ERBIN: variants seen among roughly 807,000 people sequenced by gnomAD.
The protein encoded by ERBIN is erbb2 interacting protein, also known as densin-180-like protein.
In ERBIN, 60 loss-of-function variants were observed where a neutral mutation model predicts 158.4. The ratio of observed to expected loss-of-function variants is 0.38; its 90% CI spans 0.31 to 0.47. The LOEUF (loss-of-function observed/expected upper bound fraction) is 0.47. Among genes scored for constraint, ERBIN ranks in the 20% least tolerant of loss-of-function variants. The pLI is 0.99. For synonymous variants in ERBIN, 594 were observed against 557.2 expected (o/e 1.07, Z -0.93); for missense variants, 1,610 against 1,648.0 (o/e 0.98, Z 0.40).
chr5:65,963,386 A>G lies in ERBIN; in HGVS notation c.-57-25249A>G, dbSNP rs539781368. On this transcript the variant is annotated intron_variant, in intron 1 of 25. Coordinates refer to ENST00000284037, the MANE Select transcript of ERBIN (RefSeq NM_001253697.2). ...TCTAGAGTTTACTTTTGATCTTTAA[A>G]AACTTTACATGACAGCCTGGCCAAC... 2.0e-5 allele frequency among the ~76,000 whole-genome samples: 3 copies of G among 152,278 alleles called. No homozygotes were observed. The South Asian group carries it at 6.2e-4, about 32-fold the overall frequency.
At chr5:65,952,173 TCA>T (rs1425199793) in intron 1 of ERBIN, among the ~76,000 whole-genome samples, 1 of 152,164 alleles carries the variant, frequency 6.6e-6, no homozygotes, top group Non-Finnish European at 1.5e-5. Flanking sequence ...TGTTATATTT[TCA>T]CATAAAGAAT....
chr5:66,042,882 A>G (rs1758054210), intron 15 of ERBIN, among the ~76,000 whole-genome samples, 195 bp from the exon 16 acceptor site: 1 of 152,138 alleles, frequency 6.6e-6, no homozygotes, highest in Admixed American at 6.5e-5. Context: ...TGTGATTGAC[A>G]TTGTAAAGAA....
In ERBIN at chr5:66,054,333, T is replaced by G. The variant is rs1561433142; in HGVS notation, c.3015T>G (p.Phe1005Leu). 1.2e-6 allele frequency: 2 copies of G among 1,614,140 alleles called. No individual in the cohort carries two copies. The highest frequency in any genetic ancestry group is 1.6e-4 in the Middle Eastern group (1 of 6,062). Reference protein sequence around the residue: ...KQNPQIDHASFPPQLLPRSES... With the variant: ...KQNPQIDHASLPPQLLPRSES... The stretch of plus-strand genomic sequence containing the variant: ...ATCCCCAAATAGACCATGCCAGTTT[T>G]CCTCCTCAGCTCCTTCCTAGATCAG... Residue 1005 changes from phenylalanine (F) to leucine (L), a missense_variant, in exon 21 of 26, where the codon TTT becomes TTG. Phe to Leu is a conservative substitution (Grantham distance 22, BLOSUM62 0). Transcript: ENST00000284037.
rs757559004 is a variant in ERBIN at position 66,053,416 on chromosome 5, G to A, written c.2098G>A (p.Glu700Lys). The change falls in exon 21 of 26, where the codon GAA becomes AAA. Residue 700 changes from glutamate to lysine, a missense_variant. Coordinates refer to ENST00000284037, the MANE Select transcript of ERBIN (RefSeq NM_001253697.2). The stretch of plus-strand genomic sequence containing the variant: ...TTATCTTTATTTTAGGCAAGAAGAT[G>A]AAAATTTTAACAGCCTTTTACAAAA... ...DINSKIRQED[E>K]NFNSLLQNGD... 1 of 1,456,048 alleles carries A rather than the reference G, an allele frequency of 6.9e-7. No individual in the cohort carries two copies. The highest frequency in any genetic ancestry group is 2.5e-5 in the Admixed American group (1 of 39,834). The allele number at this position is 1,456,048 out of a possible 1,614,324, so 90.2% of individuals were successfully genotyped here.
intron 1 of ERBIN, among the ~76,000 whole-genome samples, chr5:65,956,447 G>C (rs1282685824): frequency 6.8e-6 from 1 of 147,824 alleles, no homozygotes; most frequent in Admixed American, 6.8e-5. Context: ...TGTGATCTCG[G>C]CTCACTGCAA....
intron 1 of ERBIN, among the ~76,000 whole-genome samples, chr5:65,988,434 T>C (rs1250090888): frequency 2.0e-5 from 3 of 152,042 alleles, no homozygotes; most frequent in South Asian, 2.1e-4. Context: ...TGTGTGTGTG[T>C]GCATACACTT....
At chr5:66,042,101 G>A (rs1757969291) in intron 15 of ERBIN, among the ~76,000 whole-genome samples, 2 of 151,954 alleles carry the variant, frequency 1.3e-5, no homozygotes, top group East Asian at 3.8e-4. Context: ...AGAAGTTTTT[G>A]TATTATGTTA....
chr5:65,963,836 C>G (rs1394083527), intron 1 of ERBIN, among the ~76,000 whole-genome samples: 1 of 141,066 alleles, frequency 7.1e-6, no homozygotes, highest in African/African-American at 2.8e-5. Context: ...GTCGCCCAGG[C>G]TGGAGTGCAG....
chr5:65,969,028 G>A (rs760460599), intron 1 of ERBIN, among the ~76,000 whole-genome samples: 5 of 152,102 alleles, frequency 3.3e-5, no homozygotes, highest in Non-Finnish European at 7.4e-5. Context: ...GCAATACCGC[G>A]TTTAAGGGCA....
At chr5:66,016,983 T>C (rs1414878396) in intron 7 of ERBIN, among the ~76,000 whole-genome samples, 1 of 152,074 alleles carries the variant, frequency 6.6e-6, no homozygotes, top group East Asian at 1.9e-4. Context: ...GCTTGGCTTA[T>C]TTCACTTAAT....
chr5:66,039,913 C>T (rs1757767360), intron 15 of ERBIN, among the ~76,000 whole-genome samples: 2 of 151,822 alleles, frequency 1.3e-5, no homozygotes, highest in South Asian at 4.1e-4. Context: ...AAATACAAGT[C>T]ATCAGATTTA....
At chr5:65,941,839 C>G (rs1745089049) in intron 1 of ERBIN, among the ~76,000 whole-genome samples, 4 of 152,150 alleles carry the variant, frequency 2.6e-5, no homozygotes, top group Admixed American at 2.0e-4. Context: ...CTCCCAGATT[C>G]ACTCCATTCT....
At chr5:65,970,739 C>T (rs1224373399) in intron 1 of ERBIN, among the ~76,000 whole-genome samples, 2 of 152,128 alleles carry the variant, frequency 1.3e-5, no homozygotes, top group African/African-American at 4.8e-5. Flanking sequence ...CAGACGTACA[C>T]CAGCATGCCT....
intron 1 of ERBIN, 112 bp downstream of exon 1, chr5:65,926,918 C>T (rs1742718920): frequency 6.6e-6 from 1 of 152,238 alleles, no homozygotes; most frequent in African/African-American, 2.4e-5. Context: ...CCTAAACCCT[C>T]CTTTTCTCAT....
chr5:65,952,720 A>G (rs1355431819), intron 1 of ERBIN, among the ~76,000 whole-genome samples: 2 of 152,182 alleles, frequency 1.3e-5, no homozygotes, highest in Non-Finnish European at 2.9e-5. Context: ...TACCTTGTAT[A>G]TTAATTTGTC....
intron 14 of ERBIN, 128 bp from the exon 15 acceptor site, chr5:66,038,251 ATAGT>A (rs1211065361): frequency 1.8e-5 from 9 of 495,432 alleles, no homozygotes; most frequent in Non-Finnish European, 2.9e-5. Context: ...GTTATTGTGT[ATAGT>A]TAGATTTGTT....
chr5:65,948,341 ATTT>A (rs77691090), intron 1 of ERBIN, among the ~76,000 whole-genome samples: 23 of 144,284 alleles, frequency 1.6e-4, no homozygotes, highest in African/African-American at 5.8e-4. Flanking sequence ...TGACTGGCTA[ATTT>A]TTTTTTTTTT....
At chr5:65,979,191 T>G (rs946728716) in intron 1 of ERBIN, among the ~76,000 whole-genome samples, 2 of 151,958 alleles carry the variant, frequency 1.3e-5, no homozygotes, top group Non-Finnish European at 2.9e-5. Context: ...CTTTGAGAGG[T>G]GGAGGCAGGA....
At chr5:66,015,667 T>C (rs1413531503) in intron 7 of ERBIN, among the ~76,000 whole-genome samples, 1 of 151,990 alleles carries the variant, frequency 6.6e-6, no homozygotes, top group Non-Finnish European at 1.5e-5. Context: ...GAGACCCCCA[T>C]CTCTATAGAA....
Sources: allele counts gnomAD v4.1 joint callset (sites outside exome capture counted in the v4.1 genomes callset), GRCh38; gene constraint gnomAD v4.1.1; transcripts MANE v1.5; gene names NCBI Gene and HGNC (gene_info 2026-07-23, HGNC 2026-07-21).